SMIM10L3: variants seen among roughly 807,000 people sequenced by gnomAD.
SMIM10L3 encodes the protein small integral membrane protein 10 like 3, also known as salivary gland specific protein SAGSIN1.
At chr7:6,348,153 G>A in the SMIM10L3 span, among the ~76,000 whole-genome samples, 3 of 147,378 alleles carry the variant, frequency 2.0e-5, no homozygotes, top group African/African-American at 7.4e-5. Context: ...CAGGTAATCC[G>A]CCCGCCTCAG....
the SMIM10L3 span, chr7:6,330,067 TGTTGAAGACA>T: frequency 1.1e-4 from 35 of 330,348 alleles, no homozygotes; most frequent in African/African-American, 7.3e-4. Flanking sequence ...TTAGAATGGA[TGTTGAAGACA>T]GAACTTCATG....
chr7:6,336,654 A>G, the SMIM10L3 span, among the ~76,000 whole-genome samples: 7 of 151,332 alleles, frequency 4.6e-5, no homozygotes, highest in Admixed American at 6.6e-5. Context: ...ACTGTACTCC[A>G]GCCTGAGAGA....
At chr7:6,340,783 C>T in the SMIM10L3 span, among the ~76,000 whole-genome samples, 4 of 151,104 alleles carry the variant, frequency 2.6e-5, no homozygotes, top group South Asian at 8.4e-4. Context: ...CCTATAGTCC[C>T]AGCTACTCGG....
chr7:6,337,788 C>T, the SMIM10L3 span, among the ~76,000 whole-genome samples: 9 of 146,430 alleles, frequency 6.1e-5, no homozygotes, highest in Non-Finnish European at 1.2e-4. Flanking sequence ...AAAAAGATTT[C>T]AATACATTAT....
chr7:6,333,665 AT>A, the SMIM10L3 span, among the ~76,000 whole-genome samples: 185 of 146,576 alleles, frequency 1.3e-3, no homozygotes, highest in Non-Finnish European at 1.4e-3. Context: ...CACCTGGCAA[AT>A]TTTTTTTTTT....
At chr7:6,329,576 T>C in the SMIM10L3 span, 2 of 155,564 alleles carry the variant, frequency 1.3e-5, no homozygotes, top group African/African-American at 4.8e-5. Context: ...TTTAAAAACT[T>C]ATGTCCTTAA....
chr7:6,343,152 G>C, the SMIM10L3 span, among the ~76,000 whole-genome samples: 1 of 151,600 alleles, frequency 6.6e-6, no homozygotes, highest in Admixed American at 6.6e-5. Flanking sequence ...CGAGGAGGGT[G>C]GATCCCCTGA....
At chr7:6,348,620 G>C in the SMIM10L3 span, 3 of 494,434 alleles carry the variant, frequency 6.1e-6, no homozygotes, top group Non-Finnish European at 1.1e-5. Flanking sequence ...TAGAGGTAGG[G>C]GAAGTTGATA....
the SMIM10L3 span, among the ~76,000 whole-genome samples, chr7:6,339,883 G>C: frequency 6.6e-6 from 1 of 150,850 alleles, no homozygotes; most frequent in Non-Finnish European, 1.5e-5. Flanking sequence ...CTCGGCGTCA[G>C]GCAACTGACT....
the SMIM10L3 span, chr7:6,330,363 T>A: frequency 1.2e-6 from 2 of 1,600,136 alleles, no homozygotes; most frequent in African/African-American, 2.7e-5. Context: ...TTGGTATTGT[T>A]CTGCTTGTAC....
At chr7:6,333,179 A>C in the SMIM10L3 span, among the ~76,000 whole-genome samples, 7 of 151,878 alleles carry the variant, frequency 4.6e-5, no homozygotes, top group Non-Finnish European at 7.4e-5. Context: ...AAAAAAAAAA[A>C]AACAAAAAAC....
the SMIM10L3 span, among the ~76,000 whole-genome samples, chr7:6,336,625 C>T: frequency 0.028 from 4,167 of 149,712 alleles, 77 homozygotes; most frequent in Non-Finnish European, 0.046. Flanking sequence ...CAGAGGCTGC[C>T]GTGAGCCAAG....
At chr7:6,347,228 C>T in the SMIM10L3 span, among the ~76,000 whole-genome samples, 8 of 152,124 alleles carry the variant, frequency 5.3e-5, no homozygotes, top group African/African-American at 9.7e-5. Context: ...AAATATCAGT[C>T]TCTTGGCTGG....
chr7:6,335,334 T>C, the SMIM10L3 span, among the ~76,000 whole-genome samples: 1 of 151,924 alleles, frequency 6.6e-6, no homozygotes, highest in Non-Finnish European at 1.5e-5. Flanking sequence ...GTGATTCTCC[T>C]GCCTCAACCT....
At chr7:6,347,478 C>T in the SMIM10L3 span, among the ~76,000 whole-genome samples, 3 of 151,482 alleles carry the variant, frequency 2.0e-5, no homozygotes, top group Admixed American at 1.3e-4. Context: ...ATGGCGCCAC[C>T]GCACTCCAGC....
chr7:6,330,503 G>A, the SMIM10L3 span: 1 of 1,614,126 alleles, frequency 6.2e-7, no homozygotes, highest in African/African-American at 1.3e-5. Context: ...GAAAACATGG[G>A]CTTTAAACGG....
chr7:6,337,860 G>C, the SMIM10L3 span, among the ~76,000 whole-genome samples: 1 of 151,466 alleles, frequency 6.6e-6, no homozygotes, highest in Admixed American at 6.6e-5. Context: ...CTGGAGTGCA[G>C]TGGTGCAATC....
the SMIM10L3 span, among the ~76,000 whole-genome samples, chr7:6,343,619 A>T: frequency 4.0e-5 from 6 of 151,694 alleles, no homozygotes; most frequent in Non-Finnish European, 5.9e-5. Context: ...ATTCTGTATA[A>T]ATAAGAAGGA....
At chr7:6,346,281 A>T in the SMIM10L3 span, among the ~76,000 whole-genome samples, 2 of 152,094 alleles carry the variant, frequency 1.3e-5, no homozygotes, top group Admixed American at 6.6e-5. Flanking sequence ...TGACCCCTCT[A>T]ATCAGGTATA....
Sources: allele counts gnomAD v4.1 joint callset (sites outside exome capture counted in the v4.1 genomes callset), GRCh38; gene constraint gnomAD v4.1.1; transcripts MANE v1.5; gene names NCBI Gene and HGNC (gene_info 2026-07-23, HGNC 2026-07-21).